CSMD1: variants seen among roughly 807,000 people sequenced by gnomAD.
CSMD1 encodes CUB and Sushi multiple domains 1.
In CSMD1, 213 loss-of-function variants were observed where a neutral mutation model predicts 417.5. The observed-to-expected ratio is 0.51, with a 90% CI of 0.46 to 0.57. The LOEUF (loss-of-function observed/expected upper bound fraction) is 0.57. CSMD1 is among the 20% of genes least tolerant of loss of function. The pLI, the probability that CSMD1 is intolerant of heterozygous loss-of-function variation, is 0.00. For missense variants in CSMD1, 6,923 were observed against 4,529.7 expected (o/e 1.53, Z -15.17); for synonymous variants, 2,862 against 1,736.8 (o/e 1.65, Z -16.11).
chr8:3,042,396 G>C (rs1035563723), intron 50 of CSMD1, among the ~76,000 whole-genome samples: 1 of 152,126 alleles, frequency 6.6e-6, no homozygotes, highest in Non-Finnish European at 1.5e-5. Context: ...CTAGCACAGA[G>C]ACATTTCCTT....
intron 27 of CSMD1, among the ~76,000 whole-genome samples, chr8:3,229,814 G>A (rs941102205): frequency 4.0e-5 from 6 of 151,886 alleles, no homozygotes; most frequent in South Asian, 4.2e-4. Flanking sequence ...GGAAATATAC[G>A]GTAAATGTCA....
chr8:3,994,065 G>A (rs1179162406), intron 5 of CSMD1, among the ~76,000 whole-genome samples: 2 of 152,202 alleles, frequency 1.3e-5, no homozygotes, highest in Non-Finnish European at 2.9e-5. Context: ...AGCTTGGGAA[G>A]GCACACTGAG....
intron 3 of CSMD1, among the ~76,000 whole-genome samples, chr8:4,283,535 A>G (rs1171253113): frequency 3.9e-5 from 6 of 152,188 alleles, no homozygotes; most frequent in Non-Finnish European, 8.8e-5. Flanking sequence ...CAATCATTTT[A>G]TAGAACTCAA....
chr8:4,437,337 GAA>G (rs1798205704), intron 2 of CSMD1, among the ~76,000 whole-genome samples: 1 of 152,088 alleles, frequency 6.6e-6, no homozygotes. Context: ...GTTTTAAAAA[GAA>G]AATACATTTT....
At chr8:3,235,870 A>C (rs1017669417) in intron 26 of CSMD1, among the ~76,000 whole-genome samples, 1 of 151,462 alleles carries the variant, frequency 6.6e-6, no homozygotes, top group African/African-American at 2.4e-5. Context: ...GAAATACTGC[A>C]TCTACATAAT....
rs78152301 is a variant in CSMD1, at chr8:4,346,664, T to A, written c.415+73289A>T. Reference sequence around the variant, plus strand: ...GTGAAATCTTCATTGCAATTTTGAATTTTTTTTCTAATTTGCCTCGTATGA... The same window carrying A: ...GTGAAATCTTCATTGCAATTTTGAAATTTTTTTCTAATTTGCCTCGTATGA... On this transcript the variant is annotated intron_variant, in intron 3 of 69. Coordinates refer to ENST00000635120, the MANE Select transcript of CSMD1 (RefSeq NM_033225.6). Among the ~76,000 whole-genome samples, 621 of 152,232 alleles carry A rather than the reference T, an allele frequency of 4.1e-3. 8 individuals carry two copies. The highest frequency in any genetic ancestry group is 5.6e-3 in the Non-Finnish European group (380 of 68,000).
At chr8:4,690,980 G>T (rs550380251) in intron 1 of CSMD1, among the ~76,000 whole-genome samples, 18 of 152,242 alleles carry the variant, frequency 1.2e-4, no homozygotes, top group Non-Finnish European at 2.2e-4. Context: ...GCCTGCCGTG[G>T]CCTCCCAAAG....
intron 26 of CSMD1, among the ~76,000 whole-genome samples, chr8:3,244,179 G>C (rs971335897): frequency 6.6e-6 from 1 of 152,208 alleles, no homozygotes; most frequent in Non-Finnish European, 1.5e-5. Context: ...GGTTTATAAA[G>C]TAGAATTGGC....
intron 5 of CSMD1, among the ~76,000 whole-genome samples, chr8:3,907,887 A>T (rs1808216056): frequency 6.6e-6 from 1 of 152,198 alleles, no homozygotes; most frequent in Non-Finnish European, 1.5e-5. Flanking sequence ...TCTTCTTGAG[A>T]ATATTTCAGG....
At chr8:3,212,371 T>C (rs10099364) in intron 30 of CSMD1, among the ~76,000 whole-genome samples, 55,668 of 151,858 alleles carry the variant, frequency 0.37, 10,788 homozygotes, top group African/African-American at 0.51. Flanking sequence ...ATAACGTTCT[T>C]CCTCTGTCGA....
At chr8:3,949,158 C>T (rs1460986728) in intron 5 of CSMD1, among the ~76,000 whole-genome samples, 1 of 152,128 alleles carries the variant, frequency 6.6e-6, no homozygotes, top group African/African-American at 2.4e-5. Context: ...CTAAATTGAG[C>T]TAATTAACAT....
In CSMD1 at chr8:4,342,549, C is replaced by G. The variant is rs1800539897; in HGVS notation, c.415+77404G>C. Among the ~76,000 whole-genome samples the G allele has an allele frequency of 2.6e-5, 4 of 151,900 alleles. No individual in the cohort carries two copies. In the South Asian group the frequency reaches 6.2e-4, roughly 24 times the overall value. On this transcript the variant is annotated intron_variant, in intron 3 of 69. Transcript: ENST00000635120. ...ATTTTCCTGATGTATGACATTTGCC[C>G]AGTAAGTGATCCTCTCAGATGGACA...
chr8:3,107,454 G>GA (rs1417849910), intron 45 of CSMD1, among the ~76,000 whole-genome samples: 1 of 151,560 alleles, frequency 6.6e-6, no homozygotes. Context: ...TGTTGTAGAG[G>GA]AAAAAAATGT....
intron 7 of CSMD1, among the ~76,000 whole-genome samples, chr8:3,649,134 G>C (rs899364832): frequency 6.6e-6 from 1 of 152,116 alleles, no homozygotes; most frequent in Non-Finnish European, 1.5e-5. Context: ...GTACCATTCA[G>C]TTTACAATGC....
chr8:4,283,153 G>C (rs902514787), intron 3 of CSMD1, among the ~76,000 whole-genome samples: 1 of 152,150 alleles, frequency 6.6e-6, no homozygotes, highest in Non-Finnish European at 1.5e-5. Context: ...TGTTGGTTTT[G>C]TGAAGGTACG....
chr8:4,387,349 A>C (rs553817602), intron 3 of CSMD1, among the ~76,000 whole-genome samples: 1 of 152,110 alleles, frequency 6.6e-6, no homozygotes, highest in Non-Finnish European at 1.5e-5. Context: ...ATGAGCCTAC[A>C]CTCAGAAGTG....
chr8:4,890,931 A>G (rs1412872722), intron 1 of CSMD1, among the ~76,000 whole-genome samples: 2 of 152,140 alleles, frequency 1.3e-5, no homozygotes, highest in Non-Finnish European at 2.9e-5. Context: ...GGGGAAACGC[A>G]AAGGCAGAGA....
chr8:4,520,655 A>G (rs550580608), intron 2 of CSMD1, among the ~76,000 whole-genome samples: 9 of 152,296 alleles, frequency 5.9e-5, no homozygotes, highest in Non-Finnish European at 1.0e-4. Context: ...ACTAGCAATG[A>G]TACGCCATGA....
intron 2 of CSMD1, among the ~76,000 whole-genome samples, chr8:4,576,269 G>A (rs544323016): frequency 6.6e-6 from 1 of 152,296 alleles, no homozygotes; most frequent in East Asian, 1.9e-4. Context: ...AAAAGCACAA[G>A]GCTTCCTCTT....
Sources: gnomAD v4.1 joint callset for allele counts (sites outside exome capture counted in the v4.1 genomes callset) on GRCh38, gnomAD v4.1.1 for gene constraint, MANE v1.5 for transcripts, NCBI Gene and HGNC (gene_info 2026-07-23, HGNC 2026-07-21) for gene names.